The following SLC9A9 variants were observed in gnomAD, a reference collection of about 807,000 sequenced individuals.
SLC9A9 encodes solute carrier family 9 member A9.
SLC9A9 carries 62 observed loss-of-function variants against 77.8 expected under a neutral mutation model. That is an observed-to-expected ratio of 0.80 (90% CI 0.65 to 0.98). The LOEUF is 0.98. SLC9A9 is among the 50% of genes least tolerant of loss of function. The pLI is 0.00. For missense variants in SLC9A9, 775 were observed against 774.9 expected (o/e 1.00, Z 0.00); for synonymous variants, 320 against 283.5 (o/e 1.13, Z -1.29).
intron 6 of SLC9A9, among the ~76,000 whole-genome samples, chr3:143,623,909 G>A (rs9813242): frequency 0.3 from 45,317 of 151,694 alleles, 7,004 homozygotes; most frequent in African/African-American, 0.37. Flanking sequence ...TCAAATAGAC[G>A]CAATAAAAAA....
chr3:143,582,969 A>G (rs889162748), intron 6 of SLC9A9, among the ~76,000 whole-genome samples: 1 of 152,088 alleles, frequency 6.6e-6, no homozygotes, highest in Admixed American at 6.6e-5. Flanking sequence ...CCCAGGCAAC[A>G]TGGCAAAACC....
intron 12 of SLC9A9, among the ~76,000 whole-genome samples, chr3:143,453,957 C>T (rs1184854278): frequency 6.6e-6 from 1 of 152,150 alleles, no homozygotes; most frequent in Non-Finnish European, 1.5e-5. Flanking sequence ...TCTTGCTCTT[C>T]CACCTTCTGT....
intron 4 of SLC9A9, among the ~76,000 whole-genome samples, chr3:143,703,841 G>T (rs1933874926): frequency 6.6e-6 from 1 of 152,004 alleles, no homozygotes; most frequent in Non-Finnish European, 1.5e-5. Flanking sequence ...AGAGAATGAA[G>T]ACTCAAATAA....
At chr3:143,283,665 T>C (rs1559851627) in intron 14 of SLC9A9, among the ~76,000 whole-genome samples, 2 of 152,210 alleles carry the variant, frequency 1.3e-5, no homozygotes, top group Admixed American at 6.5e-5. Context: ...TTGGATAAGA[T>C]GGTTTCAGGC....
At chr3:143,658,478 G>C (rs1430016490) in intron 5 of SLC9A9, among the ~76,000 whole-genome samples, 1 of 152,176 alleles carries the variant, frequency 6.6e-6, no homozygotes, top group Non-Finnish European at 1.5e-5. Context: ...ACATGTAGGG[G>C]ATTTCTAATA....
intron 13 of SLC9A9, among the ~76,000 whole-genome samples, chr3:143,368,803 A>T (rs956512985): frequency 1.3e-5 from 2 of 152,240 alleles, no homozygotes; most frequent in Non-Finnish European, 2.9e-5. Flanking sequence ...AGAGGATCAG[A>T]TTCCATGCTT....
intron 11 of SLC9A9, among the ~76,000 whole-genome samples, chr3:143,489,511 G>A (rs2035704988): frequency 6.6e-6 from 1 of 151,808 alleles, no homozygotes; most frequent in Non-Finnish European, 1.5e-5. Context: ...TCAAAGCAAT[G>A]TCATATATAA....
intron 12 of SLC9A9, among the ~76,000 whole-genome samples, chr3:143,449,637 AT>A (rs1215803528): frequency 7.1e-5 from 4 of 55,992 alleles, no homozygotes; most frequent in East Asian, 5.1e-4. Flanking sequence ...ATAAAATATA[AT>A]TATATAATAT....
At chr3:143,311,595 G>A (rs567025371) in intron 14 of SLC9A9, among the ~76,000 whole-genome samples, 4 of 152,186 alleles carry the variant, frequency 2.6e-5, no homozygotes, top group Non-Finnish European at 5.9e-5. Context: ...GCAGTAATGG[G>A]GAGAATTAGG....
At chr3:143,782,921 T>C (rs1219753547) in intron 4 of SLC9A9, among the ~76,000 whole-genome samples, 3 of 152,164 alleles carry the variant, frequency 2.0e-5, no homozygotes, top group Non-Finnish European at 4.4e-5. Context: ...AAATTGATAG[T>C]TGCCCATGAT....
intron 4 of SLC9A9, among the ~76,000 whole-genome samples, chr3:143,755,816 T>G (rs755521514): frequency 3.3e-5 from 5 of 152,170 alleles, no homozygotes; most frequent in Non-Finnish European, 7.3e-5. Context: ...TATAGATATG[T>G]ACAAATGCAT....
intron 13 of SLC9A9, among the ~76,000 whole-genome samples, chr3:143,372,825 A>G (rs2033088014): frequency 6.6e-6 from 1 of 152,190 alleles, no homozygotes; most frequent in African/African-American, 2.4e-5. Flanking sequence ...TCAAAAGAAG[A>G]AATACAAATG....
At chr3:143,693,065 A>G in intron 5 of SLC9A9, 127 bp downstream of exon 5, 3 of 698,796 alleles carry the variant, frequency 4.3e-6, no homozygotes, top group Non-Finnish European at 7.4e-6. Flanking sequence ...ACTAACAGAT[A>G]TGTCAACTGC....
At position 143,578,484 on chromosome 3, in the gene SLC9A9, C is replaced by A. The variant is rs143746570; in HGVS notation, c.894+101G>T. ...CCGTATGAAACTTGGACCAGACTAT[C>A]TAGCCTTTTATGGGCCTGGAGGTTG... On this transcript the variant is annotated intron_variant, in intron 7 of 15. Transcript: ENST00000316549. 4 of 1,571,104 alleles carry A rather than the reference C, an allele frequency of 2.5e-6. No homozygotes were observed. In the African/African-American group the frequency reaches 4.0e-5, roughly 16 times the overall value.
At chr3:143,736,793 G>A (rs368189775) in intron 4 of SLC9A9, among the ~76,000 whole-genome samples, 2 of 152,188 alleles carry the variant, frequency 1.3e-5, no homozygotes, top group African/African-American at 2.4e-5. Context: ...TTGAGCAAAG[G>A]GCTAACATGA....
chr3:143,665,014 C>A (rs567133825), intron 5 of SLC9A9, among the ~76,000 whole-genome samples: 1 of 152,212 alleles, frequency 6.6e-6, no homozygotes, highest in African/African-American at 2.4e-5. Flanking sequence ...CTCTCCACCC[C>A]AAATCAACAG....
At chr3:143,501,642 A>G (rs904706551) in intron 9 of SLC9A9, among the ~76,000 whole-genome samples, 4 of 150,964 alleles carry the variant, frequency 2.6e-5, no homozygotes, top group Non-Finnish European at 4.4e-5. Flanking sequence ...TGATAGAATC[A>G]CTTATTTTCA....
At chr3:143,317,770 C>T (rs898122692) in intron 14 of SLC9A9, among the ~76,000 whole-genome samples, 1 of 152,124 alleles carries the variant, frequency 6.6e-6, no homozygotes, top group Non-Finnish European at 1.5e-5. Context: ...CTCTGTCACC[C>T]AGGCTGGAGT....
chr3:143,761,871 G>T (rs1324774372), intron 4 of SLC9A9, among the ~76,000 whole-genome samples: 1 of 152,132 alleles, frequency 6.6e-6, no homozygotes, highest in Non-Finnish European at 1.5e-5. Flanking sequence ...AAATCATGCT[G>T]CTATAAAGAC....
Sources: gnomAD v4.1 joint callset for allele counts (sites outside exome capture counted in the v4.1 genomes callset) on GRCh38, gnomAD v4.1.1 for gene constraint, MANE v1.5 for transcripts, NCBI Gene and HGNC (gene_info 2026-07-23, HGNC 2026-07-21) for gene names.